SKOR1: variants seen among roughly 807,000 people sequenced by gnomAD.
The protein encoded by SKOR1 is LBX1 corepressor 1.
Under a neutral mutation model 72.4 loss-of-function variants are expected in SKOR1, and 38 were observed. That is an observed-to-expected ratio of 0.52 (90% CI 0.40 to 0.69). The LOEUF (loss-of-function observed/expected upper bound fraction) is 0.69. Ranked by LOEUF, SKOR1 falls within the 30% of genes least tolerant of loss-of-function variation. The probability of loss-of-function intolerance (pLI) is 0.00; values close to 1 mark genes in which losing one functional copy is unlikely to be tolerated. For synonymous variants in SKOR1, 642 were observed against 599.4 expected (o/e 1.07, Z -1.04); for missense variants, 1,320 against 1,343.2 (o/e 0.98, Z 0.27).
chr15:67,833,841 G>C lies in SKOR1; in HGVS notation c.*5G>C, dbSNP rs777495288. 24 of 1,607,684 alleles carry C rather than the reference G, an allele frequency of 1.5e-5. No homozygotes were observed. In the South Asian group the frequency reaches 2.6e-4, roughly 18 times the overall value. On this transcript the variant is annotated 3_prime_UTR_variant, in exon 9 of 9. Coordinates refer to ENST00000380035, the MANE Select transcript of SKOR1 (RefSeq NM_001365915.1). The surrounding 1 kb of genome is among the most constrained non-coding windows in gnomAD (Gnocchi z 6.0). ...AAGCCACCGCTGTTGCCCTAGGGCC[G>C]GCCTGGCCGCACCCCTGCGCCCTCA...
chr15:67,830,758 C>G, intron 4 of SKOR1, 60 bp from the exon 5 acceptor site: 1 of 1,543,308 alleles, frequency 6.5e-7, no homozygotes, highest in South Asian at 1.1e-5. Flanking sequence ...GGAAGCTCAC[C>G]CCTCCCCTCT....
rs1178513436 is a variant in SKOR1 at position 67,827,027 on chromosome 15, C to T, written c.1199C>T (p.Pro400Leu). The change falls in exon 2 of 9, where the codon CCT becomes CTT. Residue 400 changes from proline (P) to leucine (L), a missense_variant. Physicochemically the swap from Pro to Leu is moderately conservative, Grantham distance 98 (BLOSUM62 -3). Transcript: ENST00000380035. ...CTTTTCCCCCATCCTTACGGCTTCC[C>T]TACGGCCTTCGGCCTATGCCCCAAA... The part of the protein sequence containing the change: ...PPLFPHPYGF[P>L]TAFGLCPKKD... 1 of 1,590,792 alleles carries T rather than the reference C, an allele frequency of 6.3e-7. No individual in the cohort carries two copies. Among genetic ancestry groups the T allele is most frequent in the Non-Finnish European group, 8.5e-7 (1 of 1,176,376 alleles).
At chr15:67,831,826 G>C (rs372542745) in intron 5 of SKOR1, among the ~76,000 whole-genome samples, 1 of 149,100 alleles carries the variant, frequency 6.7e-6, no homozygotes, top group East Asian at 2.0e-4. Flanking sequence ...GCAAACTGTT[G>C]TATGTGTATT....
chr15:67,833,369 G>A lies in SKOR1; in HGVS notation c.2803+112G>A. 9.0e-7 allele frequency: 1 copy of A among 1,113,484 alleles called. No homozygotes were observed. Among genetic ancestry groups the A allele is most frequent in the Non-Finnish European group, 1.4e-6 (1 of 740,194 alleles). The allele number at this position is 1,113,484 out of a possible 1,614,324, so 69.0% of individuals were successfully genotyped here. On this transcript the variant is annotated intron_variant, in intron 8 of 8. Coordinates refer to ENST00000380035, the MANE Select transcript of SKOR1 (RefSeq NM_001365915.1). This position sits in a 1 kb window ranked among gnomAD's most constrained non-coding sequence, Gnocchi z 6.0. Reference sequence around the variant, plus strand: ...GAAGGCCACGATCCACGTGGATCAGGATCTGTGAGGGAGAAAAGTGGGAAC... The same window carrying A: ...GAAGGCCACGATCCACGTGGATCAGAATCTGTGAGGGAGAAAAGTGGGAAC...
chr15:67,833,044 G>A lies in SKOR1; in HGVS notation c.2738-148G>A. 3 of 783,984 alleles carry A rather than the reference G, an allele frequency of 3.8e-6. No homozygotes were observed. The Admixed American group carries it at 6.5e-5, about 17-fold the overall frequency. The allele number at this position is 783,984 out of a possible 1,614,324, so 48.6% of individuals were successfully genotyped here. The stretch of plus-strand genomic sequence containing the variant: ...CATTTCCTTCCTCCGCCAGTCTGCA[G>A]TTAGGAGCTCCGGTACCCCCTCCCC... On this transcript the variant is annotated intron_variant, in intron 7 of 8. Coordinates refer to ENST00000380035, the MANE Select transcript of SKOR1 (RefSeq NM_001365915.1). The surrounding 1 kb of genome is among the most constrained non-coding windows in gnomAD (Gnocchi z 6.0).
In SKOR1 at chr15:67,827,825, A is replaced by G; in HGVS notation, c.1997A>G (p.Asn666Ser). The G allele has an allele frequency of 6.3e-7, 1 of 1,590,848 alleles. No individual in the cohort carries two copies. Among genetic ancestry groups the G allele is most frequent in the Non-Finnish European group, 8.6e-7 (1 of 1,169,360 alleles). ...GAGCCCGAGGTGGACGTGGAATCCA[A>G]CCGCTTCCCCGACGACGAGGACGCC... is the stretch of plus-strand genomic sequence containing the variant. Reference protein sequence around the residue: ...ADEPEVDVESNRFPDDEDAQE... With the variant: ...ADEPEVDVESSRFPDDEDAQE... The change falls in exon 2 of 9, where the codon AAC becomes AGC. Residue 666 changes from asparagine (N) to serine (S), a missense_variant. Asn to Ser is a conservative substitution (Grantham distance 46). This residue lies in a region of SKOR1 where 1,099 missense variants were observed against 1,025.5 expected (regional missense o/e 1.07). Coordinates refer to ENST00000380035, the MANE Select transcript of SKOR1 (RefSeq NM_001365915.1).
rs537600290 is a variant in SKOR1 at position 67,826,106 on chromosome 15, A to G, written c.278A>G (p.Asp93Gly). ...YGVPIVSLVI[D>G]GQERLCLAQI... ...GTGCCCATTGTGTCGCTGGTCATCG[A>G]CGGCCAGGAGCGCCTATGCCTGGCG... Residue 93 changes from aspartate (D) to glycine (G), a missense_variant, in exon 2 of 9, where the codon GAC (aspartate) becomes GGC (glycine). Transcript: ENST00000380035. 1.1e-5 allele frequency: 17 copies of G among 1,600,040 alleles called. No homozygotes were observed. The African/African-American group carries it at 2.1e-4, about 20-fold the overall frequency.
Position 67,833,682 on chromosome 15 carries a change from C to A in SKOR1, c.2804-60C>A. The A allele has an allele frequency of 6.5e-7, 1 of 1,542,876 alleles. No homozygotes were observed. Among genetic ancestry groups the A allele is most frequent in the Non-Finnish European group, 8.9e-7 (1 of 1,117,356 alleles). On this transcript the variant is annotated intron_variant, in intron 8 of 8. Transcript: ENST00000380035. The surrounding 1 kb of genome is among the most constrained non-coding windows in gnomAD (Gnocchi z 6.0). Reference sequence around the variant, plus strand: ...AAGGCCGGGGAGGGGAAAGGGTGGACTGCGCGGTGAGGTGAGCCTGGAGAG... The same window carrying A: ...AAGGCCGGGGAGGGGAAAGGGTGGAATGCGCGGTGAGGTGAGCCTGGAGAG...
In SKOR1 at chr15:67,825,725, TCTC is replaced by T. The variant is rs1436388367; in HGVS notation, c.107+21_107+23del. On this transcript the variant is annotated intron_variant, in intron 1 of 8. Coordinates refer to ENST00000380035, the MANE Select transcript of SKOR1 (RefSeq NM_001365915.1). This position sits in a 1 kb window ranked among gnomAD's most constrained non-coding sequence, Gnocchi z 5.6. ...CATTCCTGAGGTCTCCTTTACCCCT[TCTC>T]CTCCCCCAAGCCCCGGGGGCTGTTG... is the stretch of plus-strand genomic sequence containing the variant. The T allele has an allele frequency of 7.1e-6, 6 of 843,184 alleles. 1 individual carries two copies. Among genetic ancestry groups the T allele is most frequent in the Non-Finnish European group, 1.0e-5 (5 of 499,524 alleles). The allele number at this position is 843,184 out of a possible 1,614,324, so 52.2% of individuals were successfully genotyped here. A position where few individuals can be genotyped will look rare whatever the true frequency, so the allele number is the denominator to read the frequency against.
rs765481810 is a variant in SKOR1 at position 67,826,251 on chromosome 15, C to A, written c.423C>A (p.Ala141=). The A allele has an allele frequency of 9.9e-6, 16 of 1,612,920 alleles. No homozygotes were observed. The Admixed American group carries it at 2.0e-4, about 20-fold the overall frequency. The change falls in exon 2 of 9, where the codon GCC becomes GCA. Residue 141 remains alanine (A), a synonymous_variant. Coordinates refer to ENST00000380035, the MANE Select transcript of SKOR1 (RefSeq NM_001365915.1). ...TPVQLEILRR[A]GAMPISSRRC... ...TACAGCTGGAGATTCTGCGTCGGGC[C>A]GGGGCCATGCCCATCTCGTCGCGCC...
rs1404032758 is a variant in SKOR1 at position 67,826,068 on chromosome 15, G to A, written c.240G>A (p.Thr80=). The part of the protein sequence containing the change: ...SALKPNQVGE[T]SLYGVPIVSL... ...TCAAACCCAACCAGGTGGGCGAGAC[G>A]TCGCTGTACGGGGTGCCCATTGTGT... is the stretch of plus-strand genomic sequence containing the variant. Residue 80 remains threonine, a synonymous_variant, in exon 2 of 9, where the codon ACG becomes ACA. Coordinates refer to ENST00000380035, the MANE Select transcript of SKOR1 (RefSeq NM_001365915.1). The A allele has an allele frequency of 3.1e-6, 5 of 1,592,700 alleles. No homozygotes were observed. In the African/African-American group the frequency reaches 6.7e-5, roughly 21 times the overall value.
At position 67,832,159 on chromosome 15, in the gene SKOR1, C is replaced by T; in HGVS notation, c.2588-115C>T. Reference sequence around the variant, plus strand: ...AAAGCCAGAGAGCGGAGGGCCTCCACCTACTGGTCATCCTTCTCAACTCTC... The same window carrying T: ...AAAGCCAGAGAGCGGAGGGCCTCCATCTACTGGTCATCCTTCTCAACTCTC... On this transcript the variant is annotated intron_variant, in intron 5 of 8. Coordinates refer to ENST00000380035, the MANE Select transcript of SKOR1 (RefSeq NM_001365915.1). The surrounding 1 kb of genome is among the most constrained non-coding windows in gnomAD (Gnocchi z 4.5). The T allele has an allele frequency of 2.2e-6, 2 of 910,178 alleles. No individual in the cohort carries two copies. The highest frequency in any genetic ancestry group is 3.6e-6 in the Non-Finnish European group (2 of 562,670). The allele number at this position is 910,178 out of a possible 1,614,324, so 56.4% of individuals were successfully genotyped here. A position where few individuals can be genotyped will look rare whatever the true frequency, so the allele number is the denominator to read the frequency against.
intron 4 of SKOR1, 74 bp from the exon 5 acceptor site, chr15:67,830,744 C>G (rs1485548845): frequency 7.0e-7 from 1 of 1,424,974 alleles, no homozygotes; most frequent in Non-Finnish European, 9.9e-7. Flanking sequence ...CGATGTGGTT[C>G]CTGGGAAGCT....
intron 5 of SKOR1, 78 bp downstream of exon 5, chr15:67,830,967 G>C: frequency 7.0e-7 from 1 of 1,424,734 alleles, no homozygotes; most frequent in Non-Finnish European, 9.9e-7. Flanking sequence ...TGTTATCCCT[G>C]TAGGGGGTGA....
chr15:67,834,083 G>A lies in SKOR1; in HGVS notation c.*247G>A. 2 of 556,942 alleles carry A rather than the reference G, an allele frequency of 3.6e-6. No individual in the cohort carries two copies. The highest frequency in any genetic ancestry group is 3.9e-5 in the South Asian group (2 of 50,946). 34.5% of individuals were successfully genotyped at this position (556,942 alleles called of 1,614,324 possible). ...CGCGCCTCAAATCCCCCTACCCCGT[G>A]TGAACTCTAGGGCATCGGACCTCAA... On this transcript the variant is annotated 3_prime_UTR_variant, in exon 9 of 9. Coordinates refer to ENST00000380035, the MANE Select transcript of SKOR1 (RefSeq NM_001365915.1). This position sits in a 1 kb window ranked among gnomAD's most constrained non-coding sequence, Gnocchi z 5.8.
intron 5 of SKOR1, among the ~76,000 whole-genome samples, chr15:67,831,393 A>G (rs2091006729): frequency 6.6e-6 from 1 of 152,200 alleles, no homozygotes; most frequent in African/African-American, 2.4e-5. Flanking sequence ...GCTTGTTTGC[A>G]GAATGGGGAT....
chr15:67,826,363 T>C lies in SKOR1; in HGVS notation c.535T>C (p.Phe179Leu). 1 of 1,613,674 alleles carries C rather than the reference T, an allele frequency of 6.2e-7. No individual in the cohort carries two copies. The highest frequency in any genetic ancestry group is 8.5e-7 in the Non-Finnish European group (1 of 1,179,910). ...CAAACCACCCAAGCTGCCCGAGAACTTCGCCTTCGATGTGGTGCACGAGTG... is the reference window on the plus strand; with the variant it reads ...CAAACCACCCAAGCTGCCCGAGAACCTCGCCTTCGATGTGGTGCACGAGTG... ...EHKPPKLPEN[F>L]AFDVVHECAW... The change falls in exon 2 of 9, where the codon TTC (phenylalanine) becomes CTC (leucine). Residue 179 changes from phenylalanine to leucine, a missense_variant. Around this residue, in one of 3 missense-constraint regions of SKOR1, gnomAD observed 101 missense variants for 212.8 expected, o/e 0.47. Transcript: ENST00000380035.
Position 67,832,300 on chromosome 15 carries a change from C to G in SKOR1, c.2614C>G (p.Gln872Glu). ...REELQKLLLE[Q>E]MELRKKLERE... is the part of the protein sequence containing the mutation. ...GGAATTGCAAAAACTGCTCCTGGAA[C>G]AAATGGAGCTCCGCAAGAAGCTGGA... The change falls in exon 6 of 9, where the codon CAA becomes GAA. Residue 872 changes from glutamine to glutamate, a missense_variant. By Grantham distance (29) the Gln-to-Glu change is conservative. Transcript: ENST00000380035. The surrounding 1 kb of genome is among the most constrained non-coding windows in gnomAD (Gnocchi z 4.5). The G allele has an allele frequency of 2.5e-6, 4 of 1,614,144 alleles. No homozygotes were observed. The highest frequency in any genetic ancestry group is 3.4e-6 in the Non-Finnish European group (4 of 1,180,016).
Position 67,825,641 on chromosome 15 carries a change from T to A in SKOR1, c.39T>A (p.Arg13=), listed in dbSNP as rs954902917. The part of the protein sequence containing the change: ...LLCGLGQVTL[R]IWVSLPSQSE... ...GTGGCCTTGGGCAAGTCACTCTGCG[T>A]ATCTGGGTTTCACTTCCTTCCCAAT... The change falls in exon 1 of 9, where the codon CGT becomes CGA. Residue 13 remains arginine, a synonymous_variant. Transcript: ENST00000380035. The surrounding 1 kb of genome is among the most constrained non-coding windows in gnomAD (Gnocchi z 5.6). The A allele has an allele frequency of 4.2e-6, 3 of 719,660 alleles. No homozygotes were observed. In the Admixed American group the frequency reaches 6.0e-5, roughly 14 times the overall value. 44.6% of individuals were successfully genotyped at this position (719,660 alleles called of 1,614,324 possible).
Sources: allele counts gnomAD v4.1 joint callset (sites outside exome capture counted in the v4.1 genomes callset), GRCh38; gene constraint gnomAD v4.1.1; regional missense constraint gnomAD v4.1.1; non-coding constraint Gnocchi (gnomAD v3.1); transcripts MANE v1.5; gene names NCBI Gene and HGNC (gene_info 2026-07-23, HGNC 2026-07-21).